The following COMMD10 variants were observed in gnomAD, a reference collection of about 807,000 sequenced individuals.
COMMD10 encodes the protein COMM domain containing 10.
In COMMD10, 33 loss-of-function variants were observed where a neutral mutation model predicts 28.9. That is an observed-to-expected ratio of 1.14 (90% CI 0.87 to 1.53). COMMD10 has a LOEUF of 1.53. COMMD10 is among the 40% of genes most tolerant of loss of function. The pLI is 0.00. For synonymous variants in COMMD10, 110 were observed against 81.7 expected, an observed-to-expected ratio of 1.35 and a Z score of -1.87; for missense variants, 310 against 233.4, an observed-to-expected ratio of 1.33 and a Z score of -2.14.
At chr5:116,219,965 ACTTTTT>A (rs1393689147) in intron 5 of COMMD10, among the ~76,000 whole-genome samples, 8 of 152,080 alleles carry the variant, frequency 5.3e-5, no homozygotes, top group Admixed American at 4.6e-4. Flanking sequence ...AATAGTCTCT[ACTTTTT>A]CTTTTTTATA....
At chr5:116,207,204 TTG>T (rs1748835518) in intron 5 of COMMD10, among the ~76,000 whole-genome samples, 1 of 152,198 alleles carries the variant, frequency 6.6e-6, no homozygotes, top group African/African-American at 2.4e-5. Context: ...TCCCATGGTT[TTG>T]AAATAAGCAT....
chr5:116,168,062 T>A (rs558001289), intron 5 of COMMD10, among the ~76,000 whole-genome samples: 36 of 150,606 alleles, frequency 2.4e-4, no homozygotes, highest in Non-Finnish European at 4.0e-4. Context: ...TCAAGACCCA[T>A]TGGTGTGCTG....
At position 116,258,760 on chromosome 5, in the gene COMMD10, G is replaced by C. The variant is rs571552633; in HGVS notation, c.511-32757G>C. Among the ~76,000 whole-genome samples the C allele has an allele frequency of 1.7e-3, 253 of 151,262 alleles. 7 individuals are homozygous for C. Among genetic ancestry groups the C allele is most frequent in the African/African-American group, 6.1e-3 (251 of 40,992 alleles). On this transcript the variant is annotated intron_variant, in intron 5 of 6. Transcript: ENST00000274458. ...GGAAGATTTTGGAATTTTTATCCTT[G>C]GGGTTTGATACTACGCTAGGATGCC... is the stretch of plus-strand genomic sequence containing the variant.
intron 5 of COMMD10, among the ~76,000 whole-genome samples, chr5:116,189,842 C>T (rs7733187): frequency 0.11 from 17,071 of 152,142 alleles, 1,383 homozygotes; most frequent in African/African-American, 0.22. Flanking sequence ...CCACTTAAAG[C>T]ATATTTTCAG....
In COMMD10 at chr5:116,292,979, G is replaced by A. The variant is rs1331919200; in HGVS notation, c.*490G>A. ...AATATGATGAGTATATTTTGCTTCG[G>A]AAATAATATAGGAAGGAAATGTAAA... On this transcript the variant is annotated 3_prime_UTR_variant, in exon 7 of 7. Coordinates refer to ENST00000274458, the MANE Select transcript of COMMD10 (RefSeq NM_016144.4). 2.5e-6 allele frequency: 1 copy of A among 397,088 alleles called. No individual in the cohort carries two copies. The highest frequency in any genetic ancestry group is 2.1e-5 in the African/African-American group (1 of 48,528). 24.6% of individuals were successfully genotyped at this position (397,088 alleles called of 1,614,324 possible).
intron 5 of COMMD10, among the ~76,000 whole-genome samples, chr5:116,148,989 T>G (rs1272785283): frequency 6.9e-6 from 1 of 144,902 alleles, no homozygotes; most frequent in Non-Finnish European, 1.5e-5. Flanking sequence ...CTCCTAAAGC[T>G]ATCCCTCCCC....
intron 5 of COMMD10, among the ~76,000 whole-genome samples, chr5:116,220,363 G>C (rs77509622): frequency 0.011 from 1,665 of 152,256 alleles, 23 homozygotes; most frequent in South Asian, 0.028. Flanking sequence ...AGCCCCTAGA[G>C]AATGTCACAG....
At chr5:116,238,688 C>G (rs1455677845) in intron 5 of COMMD10, among the ~76,000 whole-genome samples, 1 of 152,148 alleles carries the variant, frequency 6.6e-6, no homozygotes, top group African/African-American at 2.4e-5. Context: ...ACATAAAAAT[C>G]TATTTCTACT....
At chr5:116,143,847 G>T (rs1167598126) in intron 5 of COMMD10, among the ~76,000 whole-genome samples, 3 of 151,682 alleles carry the variant, frequency 2.0e-5, no homozygotes, top group African/African-American at 7.3e-5. Flanking sequence ...TCGTGATATA[G>T]GCAGGTTTTA....
At chr5:116,197,346 T>A (rs1476366870) in intron 5 of COMMD10, among the ~76,000 whole-genome samples, 3 of 152,190 alleles carry the variant, frequency 2.0e-5, no homozygotes, top group Non-Finnish European at 4.4e-5. Context: ...TACAGTACTT[T>A]TTTTCTGTTT....
chr5:116,244,660 C>CAAAAAAAAAAAAAAAAAAAAAAAAA (rs60360733), intron 5 of COMMD10, among the ~76,000 whole-genome samples: 1 of 79,484 alleles, frequency 1.3e-5, no homozygotes, highest in Non-Finnish European at 3.0e-5. Flanking sequence ...AAAAAAATTA[C>CAAAAAAAAAAAAAAAAAAAAAAAAA]AAAAAAAAAA....
intron 5 of COMMD10, among the ~76,000 whole-genome samples, chr5:116,288,215 T>A (rs1751270824): frequency 6.6e-6 from 1 of 151,832 alleles, no homozygotes; most frequent in African/African-American, 2.4e-5. Flanking sequence ...TATTCCTGAT[T>A]AATAGTTTTT....
At chr5:116,167,645 C>T (rs1047140528) in intron 5 of COMMD10, among the ~76,000 whole-genome samples, 2 of 152,092 alleles carry the variant, frequency 1.3e-5, no homozygotes, top group Non-Finnish European at 2.9e-5. Context: ...CGGCAGAAAC[C>T]CTACAAGCCA....
chr5:116,269,037 G>A (rs1403870223), intron 5 of COMMD10, among the ~76,000 whole-genome samples: 1 of 151,576 alleles, frequency 6.6e-6, no homozygotes, highest in Non-Finnish European at 1.5e-5. Flanking sequence ...CATGGCACGT[G>A]TATACATATG....
At chr5:116,116,274 A>G (rs1751231038) in intron 4 of COMMD10, among the ~76,000 whole-genome samples, 1 of 152,204 alleles carries the variant, frequency 6.6e-6, no homozygotes, top group South Asian at 2.1e-4. Flanking sequence ...AGTATAAGAA[A>G]TTATAAATTG....
At chr5:116,280,389 C>T (rs1751039868) in intron 5 of COMMD10, among the ~76,000 whole-genome samples, 1 of 151,806 alleles carries the variant, frequency 6.6e-6, no homozygotes, top group African/African-American at 2.4e-5. Flanking sequence ...ATTATTATCC[C>T]TTTGGTTGCC....
intron 5 of COMMD10, among the ~76,000 whole-genome samples, chr5:116,203,240 T>G (rs1355340033): frequency 6.6e-6 from 1 of 151,710 alleles, no homozygotes; most frequent in East Asian, 1.9e-4. Flanking sequence ...TGGGACTATG[T>G]GAAAAGACCA....
chr5:116,104,319 T>C (rs1750763596), intron 4 of COMMD10, among the ~76,000 whole-genome samples: 1 of 152,244 alleles, frequency 6.6e-6, no homozygotes, highest in Non-Finnish European at 1.5e-5. Flanking sequence ...CTCTCTTATT[T>C]TCTTGAGCAG....
intron 5 of COMMD10, among the ~76,000 whole-genome samples, chr5:116,280,208 G>T (rs1414567834): frequency 6.6e-6 from 1 of 151,832 alleles, no homozygotes; most frequent in Non-Finnish European, 1.5e-5. Context: ...AGTTTAACTT[G>T]CATACATAGG....
Sources: gnomAD v4.1 joint callset for allele counts (sites outside exome capture counted in the v4.1 genomes callset) on GRCh38, gnomAD v4.1.1 for gene constraint, MANE v1.5 for transcripts, NCBI Gene and HGNC (gene_info 2026-07-23, HGNC 2026-07-21) for gene names.